The following CACNA1B variants were observed in gnomAD, a reference collection of about 807,000 sequenced individuals.
CACNA1B encodes voltage-dependent N-type calcium channel subunit alpha-1B.
In CACNA1B, 70 loss-of-function variants were observed where a neutral mutation model predicts 247.2. The observed-to-expected ratio is 0.28, with a 90% CI of 0.23 to 0.35. CACNA1B has a LOEUF of 0.35. CACNA1B is among the 10% of genes least tolerant of loss of function. The pLI is 1.00. For synonymous variants in CACNA1B, 1,231 were observed against 1,294.4 expected (o/e 0.95, Z 1.05); for missense variants, 2,367 against 3,197.4 (o/e 0.74, Z 6.26).
chr9:137,910,838 C>T (rs970344748), intron 3 of CACNA1B, among the ~76,000 whole-genome samples: 1 of 152,160 alleles, frequency 6.6e-6, no homozygotes, highest in Admixed American at 6.5e-5. Context: ...GGTCTGTGGC[C>T]TGAGGGTTGG....
chr9:138,099,413 T>C (rs1220101520), intron 37 of CACNA1B, among the ~76,000 whole-genome samples: 1 of 152,218 alleles, frequency 6.6e-6, no homozygotes, highest in Non-Finnish European at 1.5e-5. Context: ...TGGATGTGTG[T>C]ATGAATGACA....
chr9:137,900,753 C>T lies in CACNA1B; in HGVS notation c.531-12427C>T, dbSNP rs367583956. ...GTCTCTGTGTCTGTGCTGTGTGTCT[C>T]TCTGTCCCTGTGTCTGTGTGTCCCT... is the stretch of plus-strand genomic sequence containing the variant. On this transcript the variant is annotated intron_variant, in intron 3 of 46. Transcript: ENST00000371372. Among the ~76,000 whole-genome samples the T allele has an allele frequency of 1.2e-3, 179 of 145,648 alleles. No homozygotes were observed. In the South Asian group the frequency reaches 0.017, roughly 13 times the overall value.
chr9:137,955,656 T>G lies in CACNA1B; in HGVS notation c.1071-42T>G, dbSNP rs766447992. ...CTCTGGGGCTGCACACCTGTGGGGCTTGCACTCACCTGATCTTGCTTTTCC... is the reference window on the plus strand; with the variant it reads ...CTCTGGGGCTGCACACCTGTGGGGCGTGCACTCACCTGATCTTGCTTTTCC... On this transcript the variant is annotated intron_variant, in intron 7 of 46. Coordinates refer to ENST00000371372, the MANE Select transcript of CACNA1B (RefSeq NM_000718.4). This position sits in a 1 kb window ranked among gnomAD's most constrained non-coding sequence, Gnocchi z 6.9. The G allele has an allele frequency of 1.5e-6, 2 of 1,328,750 alleles. No individual in the cohort carries two copies. The highest frequency in any genetic ancestry group is 1.1e-6 in the Non-Finnish European group (1 of 933,392). The allele number at this position is 1,328,750 out of a possible 1,614,324, so 82.3% of individuals were successfully genotyped here.
At chr9:138,047,505 C>T in intron 23 of CACNA1B, 47 bp downstream of exon 23, 1 of 1,350,758 alleles carries the variant, frequency 7.4e-7, no homozygotes, top group Non-Finnish European at 1.1e-6. Flanking sequence ...TGCTCTCCCT[C>T]CCTCATGATT....
In CACNA1B at chr9:138,051,977, C is replaced by T; in HGVS notation, c.3711-115C>T. The T allele has an allele frequency of 1.6e-6, 1 of 637,224 alleles. No individual in the cohort carries two copies. 39.5% of individuals were successfully genotyped at this position (637,224 alleles called of 1,614,324 possible). A position where few individuals can be genotyped will look rare whatever the true frequency, so the allele number is the denominator to read the frequency against. The stretch of plus-strand genomic sequence containing the variant: ...CCTCTCTGCTCCTGGGTCCTCCACC[C>T]TGGAGTCTGAGACAAAATGCACAGG... On this transcript the variant is annotated intron_variant, in intron 24 of 46. Coordinates refer to ENST00000371372, the MANE Select transcript of CACNA1B (RefSeq NM_000718.4). The surrounding 1 kb of genome is among the most constrained non-coding windows in gnomAD (Gnocchi z 4.3).
intron 31 of CACNA1B, among the ~76,000 whole-genome samples, chr9:138,062,983 T>C (rs888266953): frequency 2.6e-5 from 4 of 152,268 alleles, no homozygotes; most frequent in Non-Finnish European, 4.4e-5. Flanking sequence ...GTCCTTGTCC[T>C]GGCATAGCCC....
At chr9:137,947,182 T>G (rs898317353) in intron 6 of CACNA1B, among the ~76,000 whole-genome samples, 1 of 152,132 alleles carries the variant, frequency 6.6e-6, no homozygotes, top group African/African-American at 2.4e-5. Context: ...AAGGCTGAAG[T>G]GAAGTTATAA....
chr9:137,878,532 G>A (rs1661601055), intron 1 of CACNA1B, among the ~76,000 whole-genome samples: 2 of 152,182 alleles, frequency 1.3e-5, no homozygotes. Context: ...GTGCAGGTGC[G>A]AGCGCTGTGG....
intron 6 of CACNA1B, among the ~76,000 whole-genome samples, chr9:137,933,961 C>A (rs2133308426): frequency 6.6e-6 from 1 of 152,194 alleles, no homozygotes; most frequent in East Asian, 1.9e-4. Flanking sequence ...GATACCTATG[C>A]TGTCAGGAAT....
At chr9:138,077,465 A>G (rs539386643) in intron 35 of CACNA1B, among the ~76,000 whole-genome samples, 1 of 151,602 alleles carries the variant, frequency 6.6e-6, no homozygotes, top group African/African-American at 2.4e-5. Flanking sequence ...CCACAGTGCT[A>G]TGGGCAGTCA....
intron 18 of CACNA1B, among the ~76,000 whole-genome samples, chr9:138,016,067 C>G (rs557823920): frequency 6.6e-6 from 1 of 152,302 alleles, no homozygotes; most frequent in African/African-American, 2.4e-5. Flanking sequence ...CACAGACACA[C>G]ACACACAGAC....
At chr9:137,886,047 G>C (rs536557512) in intron 3 of CACNA1B, among the ~76,000 whole-genome samples, 1 of 151,794 alleles carries the variant, frequency 6.6e-6, no homozygotes, top group African/African-American at 2.4e-5. Context: ...CCTGCCACAG[G>C]ACTCTGCCTC....
intron 6 of CACNA1B, among the ~76,000 whole-genome samples, chr9:137,932,775 C>G (rs534449736): frequency 1.1e-4 from 17 of 152,256 alleles, no homozygotes; most frequent in Non-Finnish European, 2.2e-4. Context: ...TCCTTTAAAG[C>G]CCTTAACCAG....
chr9:137,910,220 C>G (rs763291429), intron 3 of CACNA1B, among the ~76,000 whole-genome samples: 1 of 152,090 alleles, frequency 6.6e-6, no homozygotes, highest in Non-Finnish European at 1.5e-5. Context: ...AAGTCCGTTG[C>G]CCATTTTAAA....
In CACNA1B at chr9:138,068,017, G is replaced by T. The variant is rs2313117; in HGVS notation, c.4669-1741G>T. ...GTGAAATTGAAACACAGCTTTGGGG[G>T]GTTTCTGTGTGTGCACCCCTTTCCA... On this transcript the variant is annotated intron_variant, in intron 31 of 46. Coordinates refer to ENST00000371372, the MANE Select transcript of CACNA1B (RefSeq NM_000718.4). 4.0e-3 allele frequency among the ~76,000 whole-genome samples: 606 copies of T among 152,292 alleles called. 3 individuals carry two copies. Among genetic ancestry groups the T allele is most frequent in the Admixed American group, 6.7e-3 (102 of 15,298 alleles).
chr9:138,116,321 C>T (rs1364790060), intron 42 of CACNA1B, among the ~76,000 whole-genome samples: 1 of 152,236 alleles, frequency 6.6e-6, no homozygotes, highest in Non-Finnish European at 1.5e-5. Context: ...TCACTTAACT[C>T]TTGCCACAAT....
At chr9:137,959,501 A>G (rs1003421217) in intron 10 of CACNA1B, among the ~76,000 whole-genome samples, 4 of 151,966 alleles carry the variant, frequency 2.6e-5, no homozygotes, top group Admixed American at 6.6e-5. Context: ...GTCTTCATCT[A>G]TGGTTTGGAA....
chr9:138,044,819 G>C (rs567373432), intron 21 of CACNA1B, among the ~76,000 whole-genome samples: 1 of 152,268 alleles, frequency 6.6e-6, no homozygotes, highest in East Asian at 1.9e-4. Flanking sequence ...GCATTACCCC[G>C]CTCCCTGCCT....
chr9:138,067,503 C>T lies in CACNA1B; in HGVS notation c.4669-2255C>T, dbSNP rs143439547. 1.2e-3 allele frequency among the ~76,000 whole-genome samples: 177 copies of T among 152,244 alleles called. 1 individual carries two copies. The highest frequency in any genetic ancestry group is 2.3e-3 in the Admixed American group (35 of 15,282). On this transcript the variant is annotated intron_variant, in intron 31 of 46. Coordinates refer to ENST00000371372, the MANE Select transcript of CACNA1B (RefSeq NM_000718.4). ...ATCACCTGAGGTCAGAAGTTCGAGA[C>T]GAGTGGATAACATTGTGAAGCCCCG...
Sources: gnomAD v4.1 joint callset for allele counts (sites outside exome capture counted in the v4.1 genomes callset) on GRCh38, gnomAD v4.1.1 for gene constraint, Gnocchi (gnomAD v3.1) non-coding constraint, MANE v1.5 for transcripts, NCBI Gene and HGNC (gene_info 2026-07-23, HGNC 2026-07-21) for gene names.